Variants in TENM3 observed in about 807,000 individuals in gnomAD.
TENM3 encodes the protein teneurin transmembrane protein 3, also known as teneurin-3.
Under a neutral mutation model 255.1 loss-of-function variants are expected in TENM3, and 63 were observed. The observed-to-expected ratio is 0.25, with a 90% CI of 0.20 to 0.30. The LOEUF (loss-of-function observed/expected upper bound fraction) is 0.30. Among genes scored for constraint, TENM3 ranks in the 10% least tolerant of loss-of-function variants. The pLI is 1.00. For synonymous variants in TENM3, 1,306 were observed against 1,322.3 expected, an observed-to-expected ratio of 0.99 and a Z score of 0.27; for missense variants, 2,929 against 3,461.1, an observed-to-expected ratio of 0.85 and a Z score of 3.86.
chr4:182,601,278 T>C (rs1747827076), intron 4 of TENM3, 117 bp downstream of exon 4: 2 of 832,662 alleles, frequency 2.4e-6, no homozygotes, highest in East Asian at 5.2e-5. Context: ...GTGTTTTCTT[T>C]TTTCTTCTCT....
At chr4:182,660,868 C>T (rs551769345) in intron 6 of TENM3, among the ~76,000 whole-genome samples, 10 of 152,250 alleles carry the variant, frequency 6.6e-5, no homozygotes, top group Non-Finnish European at 1.0e-4. Flanking sequence ...AGATGGGAAT[C>T]GAGCGAGTTA....
the TENM3 span, among the ~76,000 whole-genome samples, chr4:182,123,999 G>C: frequency 6.6e-6 from 1 of 152,118 alleles, no homozygotes; most frequent in Non-Finnish European, 1.5e-5. Context: ...GTTAATTTTA[G>C]AGTTCAGGAG....
At chr4:181,969,598 A>G in the TENM3 span, among the ~76,000 whole-genome samples, 18,598 of 152,272 alleles carry the variant, frequency 0.12, 1,190 homozygotes, top group East Asian at 0.18. Flanking sequence ...ATGTGTTAGA[A>G]TGTAAACAAA....
At chr4:182,214,694 A>G (rs1344306333) in intron 1 of TENM3, among the ~76,000 whole-genome samples, 1 of 152,044 alleles carries the variant, frequency 6.6e-6, no homozygotes, top group Non-Finnish European at 1.5e-5. Flanking sequence ...AACGCCCCTC[A>G]TGAAGTCTGG....
the TENM3 span, among the ~76,000 whole-genome samples, chr4:181,796,196 C>A: frequency 6.6e-5 from 10 of 152,242 alleles, no homozygotes; most frequent in East Asian, 7.7e-4. Flanking sequence ...TTATTGTCAC[C>A]TATGTTCCTT....
intron 4 of TENM3, among the ~76,000 whole-genome samples, chr4:182,613,013 A>G (rs1749159080): frequency 6.6e-6 from 1 of 152,014 alleles, no homozygotes; most frequent in Non-Finnish European, 1.5e-5. Flanking sequence ...ACTACTTACA[A>G]CCACCCCTGA....
chr4:182,198,066 C>T (rs1469680974), intron 1 of TENM3, among the ~76,000 whole-genome samples: 1 of 152,080 alleles, frequency 6.6e-6, no homozygotes, highest in African/African-American at 2.4e-5. Flanking sequence ...GATCACACCA[C>T]TGTACTCCAG....
intron 3 of TENM3, among the ~76,000 whole-genome samples, chr4:182,363,336 CAT>C (rs1209105700): frequency 2.0e-5 from 3 of 151,248 alleles, no homozygotes; most frequent in East Asian, 1.9e-4. Flanking sequence ...TGTACATATT[CAT>C]ATATGTGTGT....
In TENM3 at chr4:182,169,695, G is replaced by A. The variant is rs985918309; in HGVS notation, c.-76+24941G>A. On this transcript the variant is annotated intron_variant, in intron 1 of 2. Transcript: ENST00000512480. ...AACTTCCGGTGTAATTTACATTGGC[G>A]TTTGTTAACAGCAAAAGACCTCTCC... Among the ~76,000 whole-genome samples the A allele has an allele frequency of 1.2e-4, 18 of 152,092 alleles. No individual in the cohort carries two copies. In the East Asian group the frequency reaches 2.1e-3, roughly 18 times the overall value.
intron 7 of TENM3, among the ~76,000 whole-genome samples, chr4:182,675,346 G>A (rs1332261783): frequency 3.3e-5 from 5 of 151,822 alleles, no homozygotes; most frequent in African/African-American, 9.7e-5. Context: ...GTTCAAGACC[G>A]GCCTGACCAA....
chr4:182,509,312 A>C (rs17073500), intron 3 of TENM3, among the ~76,000 whole-genome samples: 11,672 of 152,190 alleles, frequency 0.077, 509 homozygotes, highest in East Asian at 0.11. Context: ...CTAGGTATAG[A>C]TTCTTGTGGG....
chr4:182,684,722 G>A (rs1372954249), intron 11 of TENM3, among the ~76,000 whole-genome samples: 1 of 152,116 alleles, frequency 6.6e-6, no homozygotes, highest in South Asian at 2.1e-4. Flanking sequence ...ATTGTAGTTC[G>A]TCATTCTTAA....
At chr4:182,242,198 T>C (rs1757323934), upstream of TENM3, among the ~76,000 whole-genome samples, 1 of 152,014 alleles carries the variant, frequency 6.6e-6, no homozygotes, top group Admixed American at 6.5e-5. Flanking sequence ...CCTAATGCTA[T>C]CCCTCCCCAC....
At chr4:182,303,956 G>A (rs1472109966) in intron 1 of TENM3, among the ~76,000 whole-genome samples, 2 of 151,994 alleles carry the variant, frequency 1.3e-5, no homozygotes, top group African/African-American at 2.4e-5. Context: ...CCTGCTCAAC[G>A]ATTATTTTTT....
intron 1 of TENM3, among the ~76,000 whole-genome samples, chr4:182,217,029 T>C (rs1472625114): frequency 2.4e-5 from 3 of 122,478 alleles, no homozygotes; most frequent in African/African-American, 3.6e-5. Context: ...TTTTTTTTTT[T>C]TTTTTTTTTT....
the TENM3 span, among the ~76,000 whole-genome samples, chr4:181,616,281 C>CAAA: frequency 1.4e-4 from 12 of 84,076 alleles, no homozygotes; most frequent in South Asian, 4.6e-4. Flanking sequence ...TAAAGGTTTC[C>CAAA]AAAAAAAAAA....
the TENM3 span, among the ~76,000 whole-genome samples, chr4:181,603,689 C>T: frequency 6.6e-6 from 1 of 152,184 alleles, no homozygotes; most frequent in Non-Finnish European, 1.5e-5. Flanking sequence ...ACTATAGAAG[C>T]TGCTTTGATA....
chr4:181,628,461 T>A, the TENM3 span, among the ~76,000 whole-genome samples: 1 of 152,174 alleles, frequency 6.6e-6, no homozygotes, highest in Non-Finnish European at 1.5e-5. Flanking sequence ...GTTTTTATGG[T>A]TTTAGGTCTG....
chr4:182,775,887 G>T (rs959215175), intron 24 of TENM3, among the ~76,000 whole-genome samples: 1 of 151,802 alleles, frequency 6.6e-6, no homozygotes, highest in Non-Finnish European at 1.5e-5. Context: ...CTATATCATG[G>T]TATCCATATT....
Sources: gnomAD v4.1 joint callset for allele counts (sites outside exome capture counted in the v4.1 genomes callset) on GRCh38, gnomAD v4.1.1 for gene constraint, MANE v1.5 for transcripts, NCBI Gene and HGNC (gene_info 2026-07-23, HGNC 2026-07-21) for gene names.